Variants in GALNT13 observed in about 807,000 individuals in gnomAD.
GALNT13 encodes the protein polypeptide N-acetylgalactosaminyltransferase 13.
A neutral mutation model predicts 64.2 loss-of-function variants in GALNT13; 28 were observed. The ratio of observed to expected loss-of-function variants is 0.44; its 90% CI spans 0.32 to 0.60. The LOEUF is 0.60. Among genes scored for constraint, GALNT13 ranks in the 20% least tolerant of loss-of-function variants. The probability of loss-of-function intolerance (pLI) is 0.05; values close to 1 mark genes in which losing one functional copy is unlikely to be tolerated. For missense variants in GALNT13, 577 were observed against 669.8 expected, an observed-to-expected ratio of 0.86 and a Z score of 1.53; for synonymous variants, 214 against 224.6, an observed-to-expected ratio of 0.95 and a Z score of 0.42.
At chr2:153,899,891 CTG>C (rs2105289279) in intron 1 of GALNT13, among the ~76,000 whole-genome samples, 1 of 148,714 alleles carries the variant, frequency 6.7e-6, no homozygotes, top group African/African-American at 2.5e-5. Flanking sequence ...AAAGAACACA[CTG>C]TATTTTTGAA....
chr2:153,372,385 C>T, the GALNT13 span, among the ~76,000 whole-genome samples: 19 of 152,196 alleles, frequency 1.2e-4, no homozygotes, highest in Non-Finnish European at 2.2e-4. Context: ...TGGTGGCTCA[C>T]GCCTATAATC....
chr2:154,208,176 A>G (rs1328168462), intron 4 of GALNT13, among the ~76,000 whole-genome samples: 2 of 152,202 alleles, frequency 1.3e-5, no homozygotes, highest in Admixed American at 1.3e-4. Context: ...CAAGAAAAAT[A>G]TCATATCACT....
At chr2:153,265,337 A>T in the GALNT13 span, among the ~76,000 whole-genome samples, 1 of 152,132 alleles carries the variant, frequency 6.6e-6, no homozygotes, top group Admixed American at 6.5e-5. Context: ...GGCTTGCAGG[A>T]ACTCAGGTCT....
At position 154,335,688 on chromosome 2, in the gene GALNT13, C is replaced by T. The variant is rs144863501; in HGVS notation, c.1156+34099C>T. 3.6e-4 allele frequency among the ~76,000 whole-genome samples: 54 copies of T among 151,922 alleles called. No individual in the cohort carries two copies. The Middle Eastern group carries it at 0.01, about 29-fold the overall frequency. ...TATATTTATGCTTCATTAATTATAACGCGTAATATTATAGGGATTAATCAA... is the reference window on the plus strand; with the variant it reads ...TATATTTATGCTTCATTAATTATAATGCGTAATATTATAGGGATTAATCAA... On this transcript the variant is annotated intron_variant, in intron 9 of 12. Coordinates refer to ENST00000392825, the MANE Select transcript of GALNT13 (RefSeq NM_052917.4).
At chr2:153,451,274 A>G in the GALNT13 span, among the ~76,000 whole-genome samples, 7 of 152,164 alleles carry the variant, frequency 4.6e-5, no homozygotes, top group African/African-American at 1.7e-4. Context: ...CTCACCCAAT[A>G]CTGGAATTAG....
the GALNT13 span, among the ~76,000 whole-genome samples, chr2:153,632,387 G>T: frequency 3.3e-5 from 5 of 152,120 alleles, no homozygotes; most frequent in East Asian, 7.7e-4. Context: ...AAAGTCTATA[G>T]TTTACATTCC....
At chr2:154,080,232 A>G (rs1002292127) in intron 3 of GALNT13, among the ~76,000 whole-genome samples, 1 of 151,654 alleles carries the variant, frequency 6.6e-6, no homozygotes, top group Admixed American at 6.6e-5. Context: ...TTCACTAGCC[A>G]TGAGCTGGAG....
chr2:153,911,855 C>G (rs1242417389), intron 2 of GALNT13, among the ~76,000 whole-genome samples: 1 of 151,880 alleles, frequency 6.6e-6, no homozygotes, highest in East Asian at 1.9e-4. Context: ...TTATTTCAGC[C>G]TTGGAGAATA....
the GALNT13 span, among the ~76,000 whole-genome samples, chr2:153,126,296 G>GTATA: frequency 1.2e-4 from 14 of 118,842 alleles, no homozygotes; most frequent in East Asian, 2.4e-4. Context: ...TATTGATTTT[G>GTATA]TATATATATA....
chr2:153,784,517 A>G, the GALNT13 span, among the ~76,000 whole-genome samples: 1 of 152,236 alleles, frequency 6.6e-6, no homozygotes, highest in East Asian at 1.9e-4. Context: ...AAATATTGCT[A>G]GGCCGTCAAA....
At chr2:153,336,905 G>C in the GALNT13 span, among the ~76,000 whole-genome samples, 2 of 152,114 alleles carry the variant, frequency 1.3e-5, no homozygotes, top group African/African-American at 4.8e-5. Context: ...AGACTTTCCC[G>C]TGCTATTCTT....
chr2:153,930,746 C>T (rs58926117), intron 2 of GALNT13, among the ~76,000 whole-genome samples: 2,630 of 152,164 alleles, frequency 0.017, 88 homozygotes, highest in African/African-American at 0.061. Flanking sequence ...AGTTTGAAGT[C>T]AGGTAGTGTG....
chr2:154,427,153 T>C (rs1700508272), intron 11 of GALNT13, among the ~76,000 whole-genome samples: 1 of 152,320 alleles, frequency 6.6e-6, no homozygotes, highest in African/African-American at 2.4e-5. Flanking sequence ...GTCTGTAAAA[T>C]AGCCTATGAA....
the GALNT13 span, among the ~76,000 whole-genome samples, chr2:153,408,410 C>G: frequency 1.3e-5 from 2 of 151,914 alleles, no homozygotes; most frequent in East Asian, 3.9e-4. Flanking sequence ...TAAGCAAAAC[C>G]CACGAAGAAG....
chr2:153,630,578 A>G, the GALNT13 span, among the ~76,000 whole-genome samples: 18 of 149,434 alleles, frequency 1.2e-4, no homozygotes, highest in South Asian at 4.3e-4. Flanking sequence ...CAGCACACCA[A>G]CATGGCACAT....
At chr2:153,606,333 T>C in the GALNT13 span, among the ~76,000 whole-genome samples, 14 of 152,196 alleles carry the variant, frequency 9.2e-5, no homozygotes, top group South Asian at 2.1e-3. Context: ...TTCTGGCTAC[T>C]AGAAACATAG....
intron 3 of GALNT13, among the ~76,000 whole-genome samples, chr2:153,987,100 C>A (rs1448401461): frequency 6.6e-6 from 1 of 151,766 alleles, no homozygotes; most frequent in Non-Finnish European, 1.5e-5. Flanking sequence ...GAGTTGATAT[C>A]CATTTATACA....
At chr2:154,310,034 C>A (rs906786553) in intron 9 of GALNT13, among the ~76,000 whole-genome samples, 1 of 152,144 alleles carries the variant, frequency 6.6e-6, no homozygotes, top group Non-Finnish European at 1.5e-5. Flanking sequence ...TAACATGCTC[C>A]CTTTTACCTT....
chr2:154,199,062 C>T (rs758166100), intron 4 of GALNT13, among the ~76,000 whole-genome samples: 1 of 151,720 alleles, frequency 6.6e-6, no homozygotes, highest in Non-Finnish European at 1.5e-5. Flanking sequence ...ATCTAAGGAG[C>T]TGGACTCAGG....
Sources: gnomAD v4.1 joint callset for allele counts (sites outside exome capture counted in the v4.1 genomes callset) on GRCh38, gnomAD v4.1.1 for gene constraint, MANE v1.5 for transcripts, NCBI Gene and HGNC (gene_info 2026-07-23, HGNC 2026-07-21) for gene names.